The following ESR1 variants were observed in gnomAD, a reference collection of about 807,000 sequenced individuals.
ESR1 encodes estrogen receptor 1, also known as estrogen receptor.
ESR1 carries 12 observed loss-of-function variants against 52.7 expected under a neutral mutation model. That is an observed-to-expected ratio of 0.23 (90% CI 0.15 to 0.37). The LOEUF is 0.37. ESR1 is among the 10% of genes least tolerant of loss of function. ESR1 has a pLI of 1.00. For synonymous variants in ESR1, 305 were observed against 316.8 expected, an observed-to-expected ratio of 0.96 and a Z score of 0.39; for missense variants, 584 against 779.7, an observed-to-expected ratio of 0.75 and a Z score of 2.99.
intron 2 of ESR1, among the ~76,000 whole-genome samples, chr6:151,706,291 T>A (rs1204535832): frequency 1.3e-5 from 2 of 152,234 alleles, no homozygotes; most frequent in Non-Finnish European, 2.9e-5. Context: ...CATAGTTTTG[T>A]GATTTTGACT....
At chr6:151,748,666 C>G (rs994867059) in intron 2 of ESR1, among the ~76,000 whole-genome samples, 3 of 152,166 alleles carry the variant, frequency 2.0e-5, no homozygotes, top group African/African-American at 4.8e-5. Flanking sequence ...ATCTTTCCAG[C>G]TTAACACTGT....
intron 3 of ESR1, among the ~76,000 whole-genome samples, chr6:151,917,150 A>G (rs1470239822): frequency 6.6e-6 from 1 of 152,206 alleles, no homozygotes; most frequent in Non-Finnish European, 1.5e-5. Context: ...ACCAATCAGC[A>G]TGAGACAAAG....
In ESR1 at chr6:151,830,389, G is replaced by A. The variant is rs186886044; in HGVS notation, c.453-12208G>A. Among the ~76,000 whole-genome samples, 56 of 152,218 alleles carry A rather than the reference G, an allele frequency of 3.7e-4. 1 individual carries two copies. The highest frequency in any genetic ancestry group is 3.3e-3 in the East Asian group (17 of 5,188). ...GCTGTTGAATAAATGAATGAATTTC[G>A]TAGTAATTCTGCAGGTAAATCAAGT... is the stretch of plus-strand genomic sequence containing the variant. On this transcript the variant is annotated intron_variant, in intron 1 of 7. Transcript: ENST00000206249.
At chr6:152,073,936 TTTTA>T (rs2048536413) in intron 6 of ESR1, among the ~76,000 whole-genome samples, 1 of 152,274 alleles carries the variant, frequency 6.6e-6, no homozygotes, top group South Asian at 2.1e-4. Context: ...AATTTATTTA[TTTTA>T]TTTTATTTTT....
rs796559998 is a variant in ESR1, at chr6:151,903,537, C to G, written c.760+22766C>G. Among the ~76,000 whole-genome samples, 11 of 152,232 alleles carry G rather than the reference C, an allele frequency of 7.2e-5. No homozygotes were observed. In the East Asian group the frequency reaches 2.1e-3, roughly 29 times the overall value. On this transcript the variant is annotated intron_variant, in intron 3 of 7. Transcript: ENST00000206249. ...GGCATGCCACAGAACCCCATCTACA[C>G]TAGGCTTTCATTTTGGACTTCTAAG...
intron 5 of ESR1, among the ~76,000 whole-genome samples, chr6:152,054,212 T>A (rs940455751): frequency 2.6e-5 from 4 of 152,232 alleles, no homozygotes; most frequent in African/African-American, 9.6e-5. Context: ...AGGGAAGATA[T>A]TTTCTTCCCT....
At chr6:152,044,564 G>A (rs2046073256) in intron 5 of ESR1, among the ~76,000 whole-genome samples, 1 of 133,842 alleles carries the variant, frequency 7.5e-6, no homozygotes, top group Non-Finnish European at 1.6e-5. Context: ...TAGGGAAGCC[G>A]ACAGTGCGGC....
chr6:152,118,706 AC>A (rs2051239612), intron 6 of ESR1, among the ~76,000 whole-genome samples: 1 of 152,090 alleles, frequency 6.6e-6, no homozygotes, highest in South Asian at 2.1e-4. Context: ...GGTGCAGCAA[AC>A]CACCATGGCA....
chr6:152,023,160 G>C (rs2043827914), intron 5 of ESR1, among the ~76,000 whole-genome samples: 1 of 151,998 alleles, frequency 6.6e-6, no homozygotes, highest in Middle Eastern at 3.2e-3. Flanking sequence ...TTAAATCTAA[G>C]TATAATTTAT....
chr6:151,835,951 C>T (rs1783259791), intron 1 of ESR1, among the ~76,000 whole-genome samples: 1 of 152,118 alleles, frequency 6.6e-6, no homozygotes, highest in African/African-American at 2.4e-5. Flanking sequence ...GCAGTGGTCA[C>T]AGATACATGA....
At chr6:151,673,550 T>C (rs1014369857) in intron 1 of ESR1, among the ~76,000 whole-genome samples, 3 of 152,162 alleles carry the variant, frequency 2.0e-5, no homozygotes, top group Non-Finnish European at 4.4e-5. Flanking sequence ...TCTAAGACTG[T>C]AGATCTCAAT....
chr6:151,899,800 G>A (rs1199833154), intron 3 of ESR1, among the ~76,000 whole-genome samples: 3 of 151,870 alleles, frequency 2.0e-5, no homozygotes, highest in Non-Finnish European at 4.4e-5. Context: ...CAGACGATGG[G>A]CGGCAGGGCA....
At chr6:151,894,638 T>C (rs1297445255) in intron 3 of ESR1, among the ~76,000 whole-genome samples, 1 of 152,184 alleles carries the variant, frequency 6.6e-6, no homozygotes, top group African/African-American at 2.4e-5. Flanking sequence ...ATTTGTTGAA[T>C]AGGGTGTCCT....
intron 2 of ESR1, among the ~76,000 whole-genome samples, chr6:151,872,588 C>G (rs1180913072): frequency 6.6e-6 from 1 of 152,066 alleles, no homozygotes; most frequent in Non-Finnish European, 1.5e-5. Flanking sequence ...ATTTTGAATT[C>G]TTCTTTCTAT....
chr6:151,885,527 C>T (rs1274334156), intron 3 of ESR1, among the ~76,000 whole-genome samples: 9 of 152,178 alleles, frequency 5.9e-5, no homozygotes, highest in African/African-American at 1.2e-4. Context: ...TTGTTAAAGT[C>T]ACTTTTATGA....
In ESR1 at chr6:151,808,158, C is replaced by T. The variant is rs754327679; in HGVS notation, c.246C>T (p.Pro82=). ...GTCAGACCGGCCTCCCCTACGGCCCCGGGTCTGAGGCTGCGGCGTTCGGCT... is the reference window on the plus strand; with the variant it reads ...GTCAGACCGGCCTCCCCTACGGCCCTGGGTCTGAGGCTGCGGCGTTCGGCT... ...VYGQTGLPYG[P]GSEAAAFGSN... is the part of the protein sequence containing the mutation. The change falls in exon 1 of 8, where the codon CCC becomes CCT. Residue 82 remains proline, a synonymous_variant. Transcript: ENST00000206249. 4.4e-6 allele frequency: 7 copies of T among 1,595,548 alleles called. No homozygotes were observed. The Admixed American group carries it at 1.0e-4, about 24-fold the overall frequency.
chr6:152,109,512 A>G (rs574152385), intron 6 of ESR1, among the ~76,000 whole-genome samples: 1 of 151,948 alleles, frequency 6.6e-6, no homozygotes, highest in African/African-American at 2.4e-5. Flanking sequence ...CCAAAAAAAA[A>G]AAAAGAAAGA....
chr6:152,127,435 T>A (rs1200606594), exon 7 of ESR1: 1 of 152,208 alleles, frequency 6.6e-6, no homozygotes, highest in Non-Finnish European at 1.5e-5. Flanking sequence ...TAAATGAATG[T>A]CAGCAGCTTA....
At chr6:151,886,895 G>T (rs540453408) in intron 3 of ESR1, among the ~76,000 whole-genome samples, 1 of 152,184 alleles carries the variant, frequency 6.6e-6, no homozygotes, top group East Asian at 1.9e-4. Flanking sequence ...ACAAAAATTA[G>T]CTGGGTGTAG....
Sources: gnomAD v4.1 joint callset for allele counts (sites outside exome capture counted in the v4.1 genomes callset) on GRCh38, gnomAD v4.1.1 for gene constraint, MANE v1.5 for transcripts, NCBI Gene and HGNC (gene_info 2026-07-23, HGNC 2026-07-21) for gene names.